Variants in RORA observed in about 807,000 individuals in gnomAD.
The protein encoded by RORA is nuclear receptor ROR-alpha.
In RORA, 7 loss-of-function variants were observed where a neutral mutation model predicts 69.5. The observed-to-expected ratio is 0.10, with a 90% CI of 0.06 to 0.19. RORA has a LOEUF of 0.19. Among genes scored for constraint, RORA ranks in the 10% least tolerant of loss-of-function variants. RORA has a pLI of 1.00. For synonymous variants in RORA, 261 were observed against 240.8 expected (o/e 1.08, Z -0.78); for missense variants, 457 against 663.0 (o/e 0.69, Z 3.41).
rs2079012896 is a variant in RORA at position 61,112,241 on chromosome 15, C to T, written c.166+116812G>A. ...AAAATGGAGCTTGCATTTTTAACTG[C>T]CTTTTTCTTTTACATTGTACTTTAT... On this transcript the variant is annotated intron_variant, in intron 1 of 10. Coordinates refer to ENST00000335670, the MANE Select transcript of RORA (RefSeq NM_134261.3). Among the ~76,000 whole-genome samples, 3 of 152,156 alleles carry T rather than the reference C, an allele frequency of 2.0e-5. No homozygotes were observed. The South Asian group carries it at 6.2e-4, about 32-fold the overall frequency.
At position 60,815,258 on chromosome 15, in the gene RORA, ATTCTGTGTTATTATTGCATTTAAGG is replaced by A. The variant is rs984699306; in HGVS notation, c.167-136597_167-136573del. On this transcript the variant is annotated intron_variant, in intron 1 of 10. Coordinates refer to ENST00000335670, the MANE Select transcript of RORA (RefSeq NM_134261.3). ...ATAATAATAATAGTTTCCCCTAATA[ATTCTGTGTTATTATTGCATTTAAGG>A]AACTGTATTAGAGGCCTTCTGGAAC... 5.3e-5 allele frequency among the ~76,000 whole-genome samples: 8 copies of A among 152,094 alleles called. No individual in the cohort carries two copies. The South Asian group carries it at 6.2e-4, about 12-fold the overall frequency.
chr15:60,515,344 T>G (rs189365552), intron 3 of RORA, among the ~76,000 whole-genome samples: 5 of 152,272 alleles, frequency 3.3e-5, no homozygotes, highest in Non-Finnish European at 7.4e-5. Context: ...ATTGGGAATA[T>G]TCCCTCATCC....
At chr15:60,750,379 G>A (rs1736096432) in intron 1 of RORA, among the ~76,000 whole-genome samples, 1 of 152,240 alleles carries the variant, frequency 6.6e-6, no homozygotes, top group Non-Finnish European at 1.5e-5. Flanking sequence ...CATGTCAAAT[G>A]AAGTGACATA....
intron 1 of RORA, among the ~76,000 whole-genome samples, chr15:60,788,748 A>G (rs2072375627): frequency 6.6e-6 from 1 of 152,100 alleles, no homozygotes; most frequent in South Asian, 2.1e-4. Context: ...CAGGTACCTC[A>G]GCCACACCCA....
chr15:60,709,825 T>C (rs140468572), intron 1 of RORA, among the ~76,000 whole-genome samples: 1 of 152,236 alleles, frequency 6.6e-6, no homozygotes, highest in African/African-American at 2.4e-5. Flanking sequence ...GTGCTTGAAT[T>C]GTCCTGAAAC....
At chr15:60,981,420 G>A (rs1595859820) in intron 1 of RORA, among the ~76,000 whole-genome samples, 2 of 152,004 alleles carry the variant, frequency 1.3e-5, no homozygotes, top group Admixed American at 1.3e-4. Context: ...TCTCTTCTCT[G>A]AGACGCTCTT....
intron 1 of RORA, among the ~76,000 whole-genome samples, chr15:60,906,586 C>A (rs1323170488): frequency 1.3e-5 from 2 of 152,146 alleles, no homozygotes; most frequent in South Asian, 2.1e-4. Flanking sequence ...CAGCTTAATG[C>A]CCTCTGTGGT....
chr15:61,120,765 C>A (rs1475357839), intron 1 of RORA, among the ~76,000 whole-genome samples: 1 of 150,788 alleles, frequency 6.6e-6, no homozygotes, highest in Non-Finnish European at 1.5e-5. Context: ...TGAATCAAAG[C>A]CTTAGATTCC....
chr15:60,719,595 T>C (rs976492639), intron 1 of RORA, among the ~76,000 whole-genome samples: 10 of 152,314 alleles, frequency 6.6e-5, no homozygotes, highest in African/African-American at 1.7e-4. Context: ...GTGCATTCCT[T>C]TAAGCACAAG....
chr15:60,779,554 C>T (rs565169509), intron 1 of RORA, among the ~76,000 whole-genome samples: 10 of 152,344 alleles, frequency 6.6e-5, no homozygotes, highest in East Asian at 5.8e-4. Context: ...AGGGGAAATG[C>T]TGTTTGGCAC....
In RORA at chr15:61,012,132, C is replaced by T. The variant is rs111251116; in HGVS notation, c.166+216921G>A. 2.3e-3 allele frequency among the ~76,000 whole-genome samples: 351 copies of T among 152,336 alleles called. 1 individual carries two copies. The highest frequency in any genetic ancestry group is 7.9e-3 in the African/African-American group (327 of 41,570). Reference sequence around the variant, plus strand: ...TCTCTCCAATATTTACTGTGAGGCTCTGTGCCTCAGTTTTCCTACCTCTGA... The same window carrying T: ...TCTCTCCAATATTTACTGTGAGGCTTTGTGCCTCAGTTTTCCTACCTCTGA... On this transcript the variant is annotated intron_variant, in intron 1 of 10. Transcript: ENST00000335670.
intron 1 of RORA, among the ~76,000 whole-genome samples, chr15:60,748,202 G>A (rs558387033): frequency 1.1e-4 from 17 of 151,832 alleles, no homozygotes; most frequent in African/African-American, 3.6e-4. Context: ...ACATAAATGC[G>A]CTGGCCTAAA....
At chr15:61,212,353 A>G (rs2080000914) in intron 1 of RORA, among the ~76,000 whole-genome samples, 1 of 152,162 alleles carries the variant, frequency 6.6e-6, no homozygotes, top group Non-Finnish European at 1.5e-5. Flanking sequence ...CGAAACAGCA[A>G]AGGGTCTAAA....
intron 10 of RORA, among the ~76,000 whole-genome samples, chr15:60,498,721 G>C (rs1411103518): frequency 6.6e-6 from 1 of 152,134 alleles, no homozygotes; most frequent in Non-Finnish European, 1.5e-5. Context: ...AAGAGATGGA[G>C]AGTGAAGCTC....
At chr15:60,672,518 T>C (rs2070488459) in intron 2 of RORA, among the ~76,000 whole-genome samples, 1 of 152,174 alleles carries the variant, frequency 6.6e-6, no homozygotes, top group Non-Finnish European at 1.5e-5. Flanking sequence ...GAGAAGTGCC[T>C]AGCACTCAGT....
rs374684458 is a variant in RORA, at chr15:60,982,342, T to G, written c.166+246711A>C. 1.8e-3 allele frequency among the ~76,000 whole-genome samples: 278 copies of G among 152,354 alleles called. 2 individuals carry two copies. Among genetic ancestry groups the G allele is most frequent in the African/African-American group, 5.8e-3 (240 of 41,590 alleles). On this transcript the variant is annotated intron_variant, in intron 1 of 10. Coordinates refer to ENST00000335670, the MANE Select transcript of RORA (RefSeq NM_134261.3). ...ATGTTCTTCTAAAATCTTAAGAACA[T>G]GTAGGACCTTTTCAAAGACCTTATT...
At chr15:60,874,454 T>A (rs970184463) in intron 1 of RORA, among the ~76,000 whole-genome samples, 2 of 152,224 alleles carry the variant, frequency 1.3e-5, no homozygotes, top group African/African-American at 4.8e-5. Context: ...TAAATACTTT[T>A]AGTTTTGTGC....
At chr15:60,927,136 C>T (rs542519593) in intron 1 of RORA, among the ~76,000 whole-genome samples, 20 of 152,240 alleles carry the variant, frequency 1.3e-4, no homozygotes, top group Admixed American at 9.8e-4. Context: ...AGCAGGTGCA[C>T]GCTAGTCACA....
At chr15:60,627,180 T>G (rs2140641950) in intron 2 of RORA, 1 of 1,480,240 alleles carries the variant, frequency 6.8e-7, no homozygotes, top group Non-Finnish European at 9.4e-7. Context: ...TTGTGGGTGG[T>G]GGGGGGAGGG....
Sources: allele counts gnomAD v4.1 joint callset (sites outside exome capture counted in the v4.1 genomes callset), GRCh38; gene constraint gnomAD v4.1.1; transcripts MANE v1.5; gene names NCBI Gene and HGNC (gene_info 2026-07-23, HGNC 2026-07-21).